KPNA7: variants seen among roughly 807,000 people sequenced by gnomAD.
The protein encoded by KPNA7 is importin subunit alpha-8.
A neutral mutation model predicts 53.7 loss-of-function variants in KPNA7; 54 were observed. That is an observed-to-expected ratio of 1.01 (90% CI 0.81 to 1.26). The LOEUF (loss-of-function observed/expected upper bound fraction) is 1.26, where lower values mean the gene tolerates loss of function less well. Among genes scored for constraint, KPNA7 ranks in the 50% most tolerant of loss-of-function variants. The pLI, the probability that KPNA7 is intolerant of heterozygous loss-of-function variation, is 0.00. For missense variants in KPNA7, 640 were observed against 644.5 expected, an observed-to-expected ratio of 0.99 and a Z score of 0.07; for synonymous variants, 276 against 259.3, an observed-to-expected ratio of 1.06 and a Z score of -0.62.
At chr7:99,206,485 T>TAG (rs1339790382) in intron 2 of KPNA7, among the ~76,000 whole-genome samples, 1 of 152,030 alleles carries the variant, frequency 6.6e-6, no homozygotes, top group African/African-American at 2.4e-5. Flanking sequence ...GGTTTTGTTT[T>TAG]AGAGACAGGG....
chr7:99,196,132 A>T lies in KPNA7; in HGVS notation c.236T>A (p.Val79Glu). 6.4e-7 allele frequency: 1 copy of T among 1,551,794 alleles called. No homozygotes were observed. The highest frequency in any genetic ancestry group is 8.7e-7 in the Non-Finnish European group (1 of 1,146,984). The change falls in exon 4 of 11, where the codon GTG becomes GAG. Residue 79 changes from valine (V) to glutamate (E), a missense_variant. By Grantham distance (121) the Val-to-Glu change is moderately radical. Transcript: ENST00000327442. ...ACATAGGACTGGATCTGAGCTATTC[A>T]CACCTTTGATTATTTCACCCAGAGT... is the stretch of plus-strand genomic sequence containing the variant. The part of the protein sequence containing the change: ...SLTLGEIIKG[V>E]NSSDPVLCFQ...
In KPNA7 at chr7:99,217,619, C is replaced by CTTTTTT. The variant is rs10616354; in HGVS notation, c.-23-10136_-23-10131dup. Among the ~76,000 whole-genome samples, 48 of 39,848 alleles carry CTTTTTT rather than the reference C, an allele frequency of 1.2e-3. 7 individuals are homozygous for CTTTTTT. The highest frequency in any genetic ancestry group is 4.9e-3 in the African/African-American group (45 of 9,138). 26.1% of individuals were successfully genotyped at this position (39,848 alleles called of 152,430 possible). ...CCCAGGAACGGGGACTCCACCTTGC[C>CTTTTTT]TTTTTTTTTTTTTTTTTTTTTTTTT... On this transcript the variant is annotated intron_variant, in intron 1 of 10. Transcript: ENST00000681060.
At chr7:99,161,142 G>A in the KPNA7 span, among the ~76,000 whole-genome samples, 9 of 152,244 alleles carry the variant, frequency 5.9e-5, no homozygotes, top group South Asian at 4.1e-4. Flanking sequence ...GATTACAGGC[G>A]TGAGCCACCA....
At chr7:99,187,461 T>G (rs1047828995) in intron 7 of KPNA7, among the ~76,000 whole-genome samples, 2 of 151,510 alleles carry the variant, frequency 1.3e-5, no homozygotes, top group East Asian at 3.9e-4. Flanking sequence ...CCATCACAGC[T>G]CACTGCATCC....
chr7:99,152,237 C>T, the KPNA7 span, among the ~76,000 whole-genome samples: 1 of 151,810 alleles, frequency 6.6e-6, no homozygotes, highest in African/African-American at 2.4e-5. Context: ...TGGCAGGTGC[C>T]TATAATCCCA....
intron 7 of KPNA7, 103 bp downstream of exon 7, chr7:99,188,197 A>AG: frequency 9.4e-7 from 1 of 1,067,824 alleles, no homozygotes; most frequent in Non-Finnish European, 1.3e-6. Context: ...AAAAAAAAAA[A>AG]AGCAAAGACC....
chr7:99,149,155 T>C, the KPNA7 span, among the ~76,000 whole-genome samples: 2 of 151,896 alleles, frequency 1.3e-5, no homozygotes, highest in Admixed American at 6.6e-5. Flanking sequence ...CGCCTGCCTC[T>C]GCCTCCCAAA....
Position 99,173,841 on chromosome 7 carries a change from A to G in KPNA7, c.1465-47T>C, listed in dbSNP as rs972470400. ...GTTATACCTCCAGGATTCTCAGCACATTATCACTGCACATTTGGCAAGATG... is the reference window on the plus strand; with the variant it reads ...GTTATACCTCCAGGATTCTCAGCACGTTATCACTGCACATTTGGCAAGATG... On this transcript the variant is annotated intron_variant, in intron 10 of 10. Coordinates refer to ENST00000327442, the MANE Select transcript of KPNA7 (RefSeq NM_001145715.3). 4 of 1,128,206 alleles carry G rather than the reference A, an allele frequency of 3.5e-6. 1 individual carries two copies. In the East Asian group the frequency reaches 7.8e-5, roughly 22 times the overall value. 69.9% of individuals were successfully genotyped at this position (1,128,206 alleles called of 1,614,324 possible).
At chr7:99,187,575 A>G (rs1293900361) in intron 7 of KPNA7, among the ~76,000 whole-genome samples, 3 of 53,866 alleles carry the variant, frequency 5.6e-5, no homozygotes, top group East Asian at 7.0e-4. Flanking sequence ...TTTTTTTTTG[A>G]GATGGAATGT....
chr7:99,187,799 TAAAAAAAAAAAAAAAAAAAAAAAA>T (rs55867906), intron 7 of KPNA7, among the ~76,000 whole-genome samples: 5 of 65,108 alleles, frequency 7.7e-5, no homozygotes, highest in African/African-American at 2.4e-4. Flanking sequence ...CCTTTTTTTT[TAAAAAAAAAAAAAAAAAAAAAAAA>T]AAAAAAAAAA....
At chr7:99,165,431 C>T in the KPNA7 span, among the ~76,000 whole-genome samples, 1 of 152,128 alleles carries the variant, frequency 6.6e-6, no homozygotes, top group Non-Finnish European at 1.5e-5. Flanking sequence ...TGGGATGGCA[C>T]AGCCCCTCGA....
At position 99,176,036 on chromosome 7, in the gene KPNA7, G is replaced by A. The variant is rs186815202; in HGVS notation, c.1464+1884C>T. Reference sequence around the variant, plus strand: ...ATTTCTGCTGGGCGTGGTGGCTCACGCCTGTAATCCCAGCACTTTGGGAGG... The same window carrying A: ...ATTTCTGCTGGGCGTGGTGGCTCACACCTGTAATCCCAGCACTTTGGGAGG... On this transcript the variant is annotated intron_variant, in intron 10 of 10. Transcript: ENST00000327442. 5.9e-3 allele frequency among the ~76,000 whole-genome samples: 897 copies of A among 152,136 alleles called. 8 individuals carry two copies. The highest frequency in any genetic ancestry group is 0.021 in the African/African-American group (862 of 41,518).
chr7:99,188,207 C>G (rs1291669628), intron 7 of KPNA7, 93 bp downstream of exon 7: 1 of 709,400 alleles, frequency 1.4e-6, no homozygotes, highest in Non-Finnish European at 2.2e-6. Flanking sequence ...AAGCAAAGAC[C>G]AGGGAAATGC....
chr7:99,160,294 G>GGGAT, the KPNA7 span, among the ~76,000 whole-genome samples: 4 of 152,084 alleles, frequency 2.6e-5, no homozygotes, highest in South Asian at 8.3e-4. Context: ...CCAAAGTGCT[G>GGGAT]GGATTACAGG....
chr7:99,207,314 T>C, intron 2 of KPNA7, 87 bp downstream of exon 2: 11 of 1,112,084 alleles, frequency 9.9e-6, no homozygotes, highest in South Asian at 1.3e-5. Flanking sequence ...ATTACAGGCA[T>C]GAGCCACCGC....
Position 99,173,617 on chromosome 7 carries a change from C to CA in KPNA7, c.*90dup. 1 of 705,248 alleles carries CA rather than the reference C, an allele frequency of 1.4e-6. No homozygotes were observed. The allele number at this position is 705,248 out of a possible 1,614,324, so 43.7% of individuals were successfully genotyped here. The stretch of plus-strand genomic sequence containing the variant: ...TTAATGTCAAGTTTTAAAAGCTTCA[C>CA]ATTTGGGTTACACTAAGATAGAGGA... On this transcript the variant is annotated 3_prime_UTR_variant, in exon 11 of 11. Transcript: ENST00000327442.
the KPNA7 span, among the ~76,000 whole-genome samples, chr7:99,159,438 G>A: frequency 4.1e-4 from 62 of 151,854 alleles, no homozygotes; most frequent in Non-Finnish European, 7.8e-4. Context: ...ATGGAATAGG[G>A]GGATGTAACA....
chr7:99,182,269 C>T (rs1789295749), intron 8 of KPNA7, among the ~76,000 whole-genome samples: 1 of 152,182 alleles, frequency 6.6e-6, no homozygotes, highest in Admixed American at 6.5e-5. Context: ...GCAATCTCAG[C>T]TCACTGCAAT....
intron 10 of KPNA7, among the ~76,000 whole-genome samples, chr7:99,176,816 G>C (rs891840612): frequency 6.6e-6 from 1 of 152,072 alleles, no homozygotes; most frequent in Non-Finnish European, 1.5e-5. Flanking sequence ...GGAAGTCAAG[G>C]CTACAGTGAG....
Sources: allele counts gnomAD v4.1 joint callset (sites outside exome capture counted in the v4.1 genomes callset), GRCh38; gene constraint gnomAD v4.1.1; transcripts MANE v1.5; gene names NCBI Gene and HGNC (gene_info 2026-07-23, HGNC 2026-07-21).